Variants in TRAF1 observed in about 807,000 individuals in gnomAD.
TRAF1 encodes TNF receptor associated factor 1, also known as TNF receptor-associated factor 1.
A neutral mutation model predicts 40.9 loss-of-function variants in TRAF1; 23 were observed. The observed-to-expected ratio is 0.56, with a 90% CI of 0.40 to 0.80. The LOEUF is 0.80. TRAF1 is among the 30% of genes least tolerant of loss of function. TRAF1 has a pLI of 0.00. For missense variants in TRAF1, 477 were observed against 528.7 expected (o/e 0.90, Z 0.96); for synonymous variants, 206 against 218.8 (o/e 0.94, Z 0.52).
intron 2 of TRAF1, among the ~76,000 whole-genome samples, chr9:120,924,612 A>T (rs759229757): frequency 6.6e-6 from 1 of 152,040 alleles, no homozygotes; most frequent in Admixed American, 6.5e-5. Flanking sequence ...ATGAGGTTTC[A>T]CCTTGTTGGC....
chr9:120,926,659 C>G lies in TRAF1; in HGVS notation c.-336G>C, dbSNP rs1365939062. On this transcript the variant is annotated 5_prime_UTR_variant, in exon 1 of 8. Coordinates refer to ENST00000373887, the MANE Select transcript of TRAF1 (RefSeq NM_005658.5). ...TCTGGGTGACCTCAAGGAGAAGTCA[C>G]TTCCTCACAGTGGGTTCTGATGACT... The G allele has an allele frequency of 6.6e-6, 1 of 152,244 alleles. No individual in the cohort carries two copies. Among genetic ancestry groups the G allele is most frequent in the African/African-American group, 2.4e-5 (1 of 41,436 alleles). 9.4% of individuals were successfully genotyped at this position (152,244 alleles called of 1,614,324 possible).
At chr9:120,913,130 C>G (rs2046540834) in intron 5 of TRAF1, among the ~76,000 whole-genome samples, 198 bp downstream of exon 5, 1 of 152,192 alleles carries the variant, frequency 6.6e-6, no homozygotes, top group South Asian at 2.1e-4. Flanking sequence ...AACCGAAGCA[C>G]TGGATGGGAG....
chr9:120,909,644 TGA>T (rs2046511258), intron 6 of TRAF1, among the ~76,000 whole-genome samples: 1 of 152,228 alleles, frequency 6.6e-6, no homozygotes, highest in Non-Finnish European at 1.5e-5. Context: ...GGGTGAGAAC[TGA>T]GAGTTGGCAC....
At chr9:120,922,144 A>G (rs956792504) in intron 3 of TRAF1, among the ~76,000 whole-genome samples, 1 of 152,228 alleles carries the variant, frequency 6.6e-6, no homozygotes, top group African/African-American at 2.4e-5. Context: ...AGGGCGGCTG[A>G]GCAACGAGAC....
intron 6 of TRAF1, among the ~76,000 whole-genome samples, chr9:120,910,548 A>G (rs1178999486): frequency 2.0e-5 from 3 of 152,156 alleles, no homozygotes; most frequent in African/African-American, 7.2e-5. Flanking sequence ...GGTGCAGGCC[A>G]CCATGCCTGG....
intron 7 of TRAF1, among the ~76,000 whole-genome samples, chr9:120,908,312 C>T (rs1588148060): frequency 6.6e-6 from 1 of 152,108 alleles, no homozygotes. Flanking sequence ...GTTAATCATA[C>T]ACTAAACGTC....
intron 7 of TRAF1, among the ~76,000 whole-genome samples, chr9:120,905,944 G>A (rs1289857416): frequency 4.6e-5 from 7 of 152,068 alleles, no homozygotes; most frequent in Admixed American, 2.6e-4. Context: ...CACTTACGGG[G>A]GTGAGATTCT....
chr9:120,926,017 A>G lies in TRAF1; in HGVS notation c.59T>C (p.Phe20Ser), dbSNP rs757310102. ...RPAPDENEFPFGCPPTVCQDP... is the reference protein window; with the variant it reads ...RPAPDENEFPSGCPPTVCQDP... ...CTGGCAGACGGTGGGAGGGCACCCA[A>G]AGGGAAACTCATTCTCATCAGGGGC... Residue 20 changes from phenylalanine (F) to serine (S), a missense_variant, in exon 2 of 8, where the codon TTT becomes TCT. By Grantham distance (155) the Phe-to-Ser change is radical. Coordinates refer to ENST00000373887, the MANE Select transcript of TRAF1 (RefSeq NM_005658.5). 6.2e-7 allele frequency: 1 copy of G among 1,612,724 alleles called. No homozygotes were observed. The highest frequency in any genetic ancestry group is 1.1e-5 in the South Asian group (1 of 91,022).
chr9:120,911,268 TG>T, intron 6 of TRAF1, 67 bp downstream of exon 6: 2 of 1,542,368 alleles, frequency 1.3e-6, no homozygotes, highest in Non-Finnish European at 1.8e-6. Flanking sequence ...CAGTTTTCAC[TG>T]CTTGCTTCCT....
At position 120,913,384 on chromosome 9, in the gene TRAF1, T is replaced by C. The variant is rs1260527171; in HGVS notation, c.649A>G (p.Thr217Ala). 4 of 1,613,530 alleles carry C rather than the reference T, an allele frequency of 2.5e-6. No individual in the cohort carries two copies. In the South Asian group the frequency reaches 4.4e-5, roughly 18 times the overall value. ...EVEASHLALATSIHQSQLDRE... is the reference protein window; with the variant it reads ...EVEASHLALAASIHQSQLDRE... The stretch of plus-strand genomic sequence containing the variant: ...TCCAGCTGGCTCTGGTGGATAGAGG[T>C]GGCCAGGGCCAGGTGGGAGGCCTCC... The change falls in exon 5 of 8, where the codon ACC (threonine) becomes GCC (alanine). Residue 217 changes from threonine (T) to alanine (A), a missense_variant. Physicochemically the swap from Thr to Ala is moderately conservative, Grantham distance 58. Transcript: ENST00000373887.
chr9:120,919,531 C>T (rs1415069652), intron 3 of TRAF1, among the ~76,000 whole-genome samples: 4 of 152,210 alleles, frequency 2.6e-5, no homozygotes, highest in Admixed American at 1.3e-4. Context: ...GCACTGCCTA[C>T]CCCCACACTG....
chr9:120,906,892 CA>C (rs1270348125), intron 7 of TRAF1, among the ~76,000 whole-genome samples: 1 of 152,014 alleles, frequency 6.6e-6, no homozygotes, highest in Non-Finnish European at 1.5e-5. Flanking sequence ...GTTTTGAGAC[CA>C]AGTCTCACTC....
In TRAF1 at chr9:120,925,840, G is replaced by A. The variant is rs1401395786; in HGVS notation, c.140+96C>T. On this transcript the variant is annotated intron_variant, in intron 2 of 7. Transcript: ENST00000373887. The stretch of plus-strand genomic sequence containing the variant: ...TGAGGCCCAGAGAAGAAAAGTCACC[G>A]CCTGAAGTCACAGGCTCCTCTGCCC... The A allele has an allele frequency of 9.0e-6, 14 of 1,553,604 alleles. No individual in the cohort carries two copies. Among genetic ancestry groups the A allele is most frequent in the Middle Eastern group, 2.3e-4 (1 of 4,304 alleles).
intron 7 of TRAF1, 79 bp downstream of exon 7, chr9:120,909,151 G>A: frequency 6.5e-7 from 1 of 1,538,884 alleles, no homozygotes; most frequent in Non-Finnish European, 8.8e-7. Flanking sequence ...AGGTCACATG[G>A]CCAATTCATT....
intron 3 of TRAF1, 82 bp from the exon 4 acceptor site, chr9:120,914,382 C>A: frequency 7.6e-7 from 1 of 1,314,044 alleles, no homozygotes; most frequent in Non-Finnish European, 9.8e-7. Context: ...CCAGGATCCA[C>A]CAGGGCAGGA....
At chr9:120,912,552 G>C (rs572453405) in intron 5 of TRAF1, among the ~76,000 whole-genome samples, 3 of 152,194 alleles carry the variant, frequency 2.0e-5, no homozygotes, top group African/African-American at 7.2e-5. Context: ...AGCTACTCAG[G>C]AAGCTGAGGC....
intron 3 of TRAF1, among the ~76,000 whole-genome samples, chr9:120,915,606 G>A (rs2046563864): frequency 6.6e-6 from 1 of 152,176 alleles, no homozygotes; most frequent in Non-Finnish European, 1.5e-5. Flanking sequence ...GCTGAGGCAA[G>A]AGGATTACTT....
At chr9:120,907,980 C>T (rs1417766174) in intron 7 of TRAF1, among the ~76,000 whole-genome samples, 2 of 152,156 alleles carry the variant, frequency 1.3e-5, no homozygotes, top group East Asian at 3.9e-4. Flanking sequence ...GCAGCCTCAA[C>T]CTCCCAGGCT....
chr9:120,919,763 C>A (rs2131631299), intron 3 of TRAF1, among the ~76,000 whole-genome samples: 1 of 152,348 alleles, frequency 6.6e-6, no homozygotes, highest in African/African-American at 2.4e-5. Context: ...TGAACATAGT[C>A]TTGCCCATTC....
Sources: allele counts gnomAD v4.1 joint callset (sites outside exome capture counted in the v4.1 genomes callset), GRCh38; gene constraint gnomAD v4.1.1; transcripts MANE v1.5; gene names NCBI Gene and HGNC (gene_info 2026-07-23, HGNC 2026-07-21).